The following PTPRB variants were observed in gnomAD, a reference collection of about 807,000 sequenced individuals.
The protein encoded by PTPRB is protein tyrosine phosphatase receptor type B.
Under a neutral mutation model 238.1 loss-of-function variants are expected in PTPRB, and 97 were observed. The ratio of observed to expected loss-of-function variants is 0.41; its 90% CI spans 0.35 to 0.48. The LOEUF (loss-of-function observed/expected upper bound fraction) is 0.48. Ranked by LOEUF, PTPRB falls within the 20% of genes least tolerant of loss-of-function variation. The pLI is 0.30. For missense variants in PTPRB, 2,292 were observed against 2,681.9 expected (o/e 0.85, Z 3.21); for synonymous variants, 970 against 995.4 (o/e 0.97, Z 0.48).
intron 3 of PTPRB, among the ~76,000 whole-genome samples, chr12:70,616,715 T>C (rs1452440473): frequency 2.0e-5 from 3 of 152,158 alleles, no homozygotes; most frequent in Non-Finnish European, 2.9e-5. Context: ...ATTGCCATTC[T>C]CTCTCCCCAC....
rs563595156 is a variant in PTPRB at position 70,547,379 on chromosome 12, A to C, written c.5388-2716T>G. Among the ~76,000 whole-genome samples the C allele has an allele frequency of 2.0e-5, 3 of 152,360 alleles. No individual in the cohort carries two copies. The South Asian group carries it at 6.2e-4, about 32-fold the overall frequency. ...GTTTTGCTAATTTTGGAAGGCAGCTATGCTAACCACCATAACACCAATGCC... is the reference window on the plus strand; with the variant it reads ...GTTTTGCTAATTTTGGAAGGCAGCTCTGCTAACCACCATAACACCAATGCC... On this transcript the variant is annotated intron_variant, in intron 21 of 33. Transcript: ENST00000334414.
At chr12:70,559,899 G>A (rs1440140680) in intron 17 of PTPRB, among the ~76,000 whole-genome samples, 1 of 146,318 alleles carries the variant, frequency 6.8e-6, no homozygotes, top group African/African-American at 2.5e-5. Context: ...GCAGTGGAGT[G>A]ATCTTGGCTC....
intron 32 of PTPRB, among the ~76,000 whole-genome samples, chr12:70,525,016 A>G (rs1426241956): frequency 6.6e-6 from 1 of 151,586 alleles, no homozygotes; most frequent in Non-Finnish European, 1.5e-5. Context: ...ATATTCTGTG[A>G]GAGCCTACAA....
intron 4 of PTPRB, among the ~76,000 whole-genome samples, chr12:70,608,296 G>A (rs1884131974): frequency 6.6e-6 from 1 of 152,204 alleles, no homozygotes. Flanking sequence ...GCATGTCTGA[G>A]GGTAGCTCTG....
intron 2 of PTPRB, among the ~76,000 whole-genome samples, chr12:70,626,232 C>T (rs895081975): frequency 6.9e-6 from 1 of 144,014 alleles, no homozygotes; most frequent in Non-Finnish European, 1.5e-5. Context: ...GAGAGCAAAT[C>T]ATCTGGAAAA....
In PTPRB at chr12:70,571,863, C is replaced by T. The variant is rs769379538; in HGVS notation, c.3067G>A (p.Gly1023Arg). ...CCTTGTTCATTGGCTTCATATTGTC[C>T]ACTTTTTGTAGTAACAGTGACACTG... ...LYSVTVTTKSGQYEANEQGNG... is the reference protein window; with the variant it reads ...LYSVTVTTKSRQYEANEQGNG... The change falls in exon 12 of 34, where the codon GGA becomes AGA. Residue 1023 changes from glycine to arginine, a missense_variant. By Grantham distance (125) the Gly-to-Arg change is moderately radical. This residue lies in a region of PTPRB where 1,205 missense variants were observed against 1,287.8 expected (regional missense o/e 0.94). Transcript: ENST00000334414. The T allele has an allele frequency of 1.9e-6, 3 of 1,613,772 alleles. No homozygotes were observed. Among genetic ancestry groups the T allele is most frequent in the East Asian group, 2.2e-5 (1 of 44,890 alleles).
At chr12:70,626,760 A>C (rs1403960191) in intron 2 of PTPRB, among the ~76,000 whole-genome samples, 1 of 152,016 alleles carries the variant, frequency 6.6e-6, no homozygotes, top group Admixed American at 6.6e-5. Context: ...CTGAAGGATG[A>C]CTGTACACAC....
At chr12:70,576,677 G>GGGGGGGT in intron 10 of PTPRB, 32 bp from the exon 11 acceptor site, 1 of 233,644 alleles carries the variant, frequency 4.3e-6, no homozygotes, top group Non-Finnish European at 7.9e-6. Flanking sequence ...GGCGGGGGGG[G>GGGGGGGT]GGGGGAAGGG....
chr12:70,520,159 T>C lies in PTPRB; in HGVS notation c.*1330A>G, dbSNP rs1871512368. On this transcript the variant is annotated 3_prime_UTR_variant, in exon 34 of 34. Transcript: ENST00000334414. ...TCTCCAGCTCATCTTCTCAGGTATC[T>C]ATGAAGATTCCGTACAAACTCCTTT... is the stretch of plus-strand genomic sequence containing the variant. 4.4e-6 allele frequency: 2 copies of C among 458,760 alleles called. No homozygotes were observed. The highest frequency in any genetic ancestry group is 8.7e-6 in the Non-Finnish European group (2 of 228,820). 28.4% of individuals were successfully genotyped at this position (458,760 alleles called of 1,614,324 possible).
At chr12:70,608,813 G>A in intron 4 of PTPRB, 1 of 454,460 alleles carries the variant, frequency 2.2e-6, no homozygotes, top group East Asian at 3.8e-5. Flanking sequence ...GTTTCTCTTT[G>A]CTGACCGCCC....
In PTPRB at chr12:70,622,604, G is replaced by T. The variant is rs373051218; in HGVS notation, c.494C>A (p.Thr165Lys). ...AEVSVRSTRN[T>K]APPQILTTFN... ...GGTAGTGAGAATCTGGGGTGGAGCC[G>T]TGTTTCTAGTGCTCCTCACCGAAAC... is the stretch of plus-strand genomic sequence containing the variant. The change falls in exon 3 of 34, where the codon ACG (threonine) becomes AAG (lysine). Residue 165 changes from threonine (T) to lysine (K), a missense_variant. By Grantham distance (78) the Thr-to-Lys change is moderately conservative. Around this residue, in one of 4 missense-constraint regions of PTPRB, gnomAD observed 1,205 missense variants for 1,287.8 expected, o/e 0.94. Coordinates refer to ENST00000334414, the MANE Select transcript of PTPRB (RefSeq NM_001109754.4). The T allele has an allele frequency of 1.3e-6, 2 of 1,585,462 alleles. No homozygotes were observed. The highest frequency in any genetic ancestry group is 1.8e-5 in the Admixed American group (1 of 55,250).
At chr12:70,609,036 C>A (rs772775986) in intron 4 of PTPRB, 33 bp downstream of exon 4, 12 of 1,608,568 alleles carry the variant, frequency 7.5e-6, no homozygotes, top group Non-Finnish European at 9.4e-6. Flanking sequence ...CCCCGTGTGG[C>A]TTGGCCATCC....
chr12:70,606,927 A>C (rs1883996292), intron 4 of PTPRB, among the ~76,000 whole-genome samples: 1 of 152,244 alleles, frequency 6.6e-6, no homozygotes, highest in South Asian at 2.1e-4. Flanking sequence ...TGCAACTTTC[A>C]TGCTTCACAT....
At chr12:70,587,430 G>A (rs2136446366) in intron 8 of PTPRB, among the ~76,000 whole-genome samples, 163 bp from the exon 9 acceptor site, 1 of 152,258 alleles carries the variant, frequency 6.6e-6, no homozygotes, top group African/African-American at 2.4e-5. Context: ...AAAAAACTTT[G>A]TTCATGTAAT....
chr12:70,531,966 C>T (rs1214646293), intron 32 of PTPRB, 69 bp downstream of exon 32: 2 of 1,576,150 alleles, frequency 1.3e-6, no homozygotes, highest in African/African-American at 1.4e-5. Flanking sequence ...GATTAAGGTC[C>T]TGGATATTTT....
In PTPRB at chr12:70,566,495, G is replaced by A; in HGVS notation, c.3844C>T (p.Gln1282Ter). 1 of 1,614,014 alleles carries A rather than the reference G, an allele frequency of 6.2e-7. No individual in the cohort carries two copies. Among genetic ancestry groups the A allele is most frequent in the Non-Finnish European group, 8.5e-7 (1 of 1,179,882 alleles). The change falls in exon 15 of 34, where the codon CAG (glutamine) becomes TAG (stop). Residue 1282 changes from glutamine (Q) to a stop codon, truncating the protein, a stop_gained. Coordinates refer to ENST00000334414, the MANE Select transcript of PTPRB (RefSeq NM_001109754.4). LOFTEE classifies it high-confidence loss of function. ...AGGCCTCCACTGACAGTTAGGATCT[G>A]TATCTTGTATTTCTTGCCTGGTGTT... is the stretch of plus-strand genomic sequence containing the variant. ...DLTPGKKYKI[Q>*]ILTVSGGLFS...
chr12:70,580,335 A>G (rs1435093391), intron 10 of PTPRB, among the ~76,000 whole-genome samples: 1 of 152,190 alleles, frequency 6.6e-6, no homozygotes, highest in Non-Finnish European at 1.5e-5. Context: ...TTAATTGGAG[A>G]TCATTTTCTT....
intron 2 of PTPRB, among the ~76,000 whole-genome samples, chr12:70,627,677 T>C (rs537496085): frequency 9.2e-5 from 14 of 152,220 alleles, no homozygotes; most frequent in African/African-American, 2.9e-4. Flanking sequence ...ATACCTGCTA[T>C]CTTCAATGAT....
chr12:70,601,088 G>T (rs578238264), intron 4 of PTPRB, among the ~76,000 whole-genome samples: 2 of 151,896 alleles, frequency 1.3e-5, no homozygotes, highest in Non-Finnish European at 2.9e-5. Context: ...GGCTGGTCTC[G>T]AACTCCTGAC....
Sources: gnomAD v4.1 joint callset for allele counts (sites outside exome capture counted in the v4.1 genomes callset) on GRCh38, gnomAD v4.1.1 for gene constraint, gnomAD v4.1.1 regional missense constraint, MANE v1.5 for transcripts, NCBI Gene and HGNC (gene_info 2026-07-23, HGNC 2026-07-21) for gene names.